The following LILRA1 variants were observed in gnomAD, a reference collection of about 807,000 sequenced individuals.
The protein encoded by LILRA1 is leukocyte immunoglobulin-like receptor subfamily A member 1.
LILRA1 carries 51 observed loss-of-function variants against 51.6 expected under a neutral mutation model. That is an observed-to-expected ratio of 0.99 (90% confidence interval 0.79 to 1.25). The LOEUF is 1.25. Ranked by LOEUF, LILRA1 falls within the 50% of genes most tolerant of loss-of-function variation. The probability of loss-of-function intolerance (pLI) is 0.00; values close to 1 mark genes in which losing one functional copy is unlikely to be tolerated. For synonymous variants in LILRA1, 305 were observed against 248.4 expected (o/e 1.23, Z -2.14); for missense variants, 660 against 611.7 (o/e 1.08, Z -0.83).
rs2063152314 is a variant in LILRA1, at chr19:54,600,915, C to A, written c.*98C>A. ...GATGATGCCAGGAGGTTCCGGGAGACAATTTAGGGCTGATGCTATCTGGAC... is the reference window on the plus strand; with the variant it reads ...GATGATGCCAGGAGGTTCCGGGAGAAAATTTAGGGCTGATGCTATCTGGAC... On this transcript the variant is annotated 3_prime_UTR_variant, in exon 10 of 10. Transcript: ENST00000251372. 4 of 1,329,158 alleles carry A rather than the reference C, an allele frequency of 3.0e-6. No individual in the cohort carries two copies. In the South Asian group the frequency reaches 3.5e-5, roughly 12 times the overall value. The allele number at this position is 1,329,158 out of a possible 1,614,324, so 82.3% of individuals were successfully genotyped here.
Position 54,594,257 on chromosome 19 carries a change from G to T in LILRA1, c.13G>T (p.Val5Phe), listed in dbSNP as rs28524012. ...GGGAGGAGACGCTATGACCCCCATC[G>T]TCACAGTCCTGATCTGTCTCAGTGA... MTPI[V>F]TVLICLRLSL... is the part of the protein sequence containing the mutation. The change falls in exon 2 of 10, where the codon GTC becomes TTC. Residue 5 changes from valine (V) to phenylalanine (F), a missense_variant. Physicochemically the swap from Val to Phe is conservative, Grantham distance 50 (BLOSUM62 -1). Transcript: ENST00000251372. 3 of 1,606,876 alleles carry T rather than the reference G, an allele frequency of 1.9e-6. No individual in the cohort carries two copies. The highest frequency in any genetic ancestry group is 2.7e-5 in the African/African-American group (2 of 74,000).
At chr19:54,596,514 C>T (rs1163358693) in intron 7 of LILRA1, 23 bp downstream of exon 7, 13 of 1,613,982 alleles carry the variant, frequency 8.1e-6, no homozygotes, top group Non-Finnish European at 9.3e-6. Flanking sequence ...ACCCTGTCCT[C>T]TCCGAGCTCA....
Position 54,601,408 on chromosome 19 carries a change from C to T in LILRA1, c.*591C>T, listed in dbSNP as rs2063159134. On this transcript the variant is annotated 3_prime_UTR_variant, in exon 10 of 10. Coordinates refer to ENST00000251372, the MANE Select transcript of LILRA1 (RefSeq NM_006863.4). ...AGCTTCTCCTTAGATCATTGTGTAA[C>T]CATCACTGCCATCCTGTTCCACACA... 6.1e-6 allele frequency: 1 copy of T among 163,928 alleles called. No individual in the cohort carries two copies. The highest frequency in any genetic ancestry group is 1.3e-5 in the Non-Finnish European group (1 of 74,854). 10.2% of individuals were successfully genotyped at this position (163,928 alleles called of 1,614,324 possible).
intron 8 of LILRA1, 98 bp downstream of exon 8, chr19:54,599,384 C>T: frequency 7.0e-7 from 1 of 1,432,576 alleles, no homozygotes. Flanking sequence ...TAAAAAATTA[C>T]ATTCATTCTA....
At chr19:54,597,724 C>A (rs988552846) in intron 7 of LILRA1, among the ~76,000 whole-genome samples, 5 of 151,878 alleles carry the variant, frequency 3.3e-5, no homozygotes, top group African/African-American at 9.7e-5. Context: ...TGAGGATGAA[C>A]CCCTCACCCA....
rs766261549 is a variant in LILRA1 at position 54,595,347 on chromosome 19, G to C, written c.606G>C (p.Ser202=). The change falls in exon 5 of 10, where the codon TCG becomes TCC. Residue 202 remains serine, a synonymous_variant. Coordinates refer to ENST00000251372, the MANE Select transcript of LILRA1 (RefSeq NM_006863.4). ...CGTACAGGTGCTATGCTTATGACTCGAACTCTCCCCATGTGTGGTCTCTAC... is the reference window on the plus strand; with the variant it reads ...CGTACAGGTGCTATGCTTATGACTCCAACTCTCCCCATGTGTGGTCTCTAC... ...RWSYRCYAYD[S]NSPHVWSLPS... The C allele has an allele frequency of 1.9e-6, 3 of 1,613,836 alleles. No homozygotes were observed. The highest frequency in any genetic ancestry group is 1.7e-5 in the Admixed American group (1 of 59,986).
In LILRA1 at chr19:54,594,238, A is replaced by T. The variant is rs116711729; in HGVS notation, c.-7A>T. On this transcript the variant is annotated 5_prime_UTR_variant, in exon 2 of 10. Coordinates refer to ENST00000251372, the MANE Select transcript of LILRA1 (RefSeq NM_006863.4). Reference sequence around the variant, plus strand: ...ATCCGCAGAGCAGGGCAGTGGGAGGAGACGCTATGACCCCCATCGTCACAG... The same window carrying T: ...ATCCGCAGAGCAGGGCAGTGGGAGGTGACGCTATGACCCCCATCGTCACAG... 2,253 of 1,612,746 alleles carry T rather than the reference A, an allele frequency of 1.4e-3. 32 individuals are homozygous for T. The African/African-American group carries it at 0.027, about 19-fold the overall frequency.
In LILRA1 at chr19:54,594,714, C is replaced by T; in HGVS notation, c.120C>T (p.Thr40=). 1 of 1,613,892 alleles carries T rather than the reference C, an allele frequency of 6.2e-7. No homozygotes were observed. The highest frequency in any genetic ancestry group is 8.5e-7 in the Non-Finnish European group (1 of 1,179,872). Residue 40 remains threonine (T), a synonymous_variant, in exon 4 of 10, where the codon ACC becomes ACT. Coordinates refer to ENST00000251372, the MANE Select transcript of LILRA1 (RefSeq NM_006863.4). ...TLWAEPGSVI[T]QGSPVTLWCQ... ...GGGCTGAGCCAGGCTCTGTGATCAC[C>T]CAGGGGAGTCCCGTGACCCTCTGGT... is the stretch of plus-strand genomic sequence containing the variant.
chr19:54,599,083 T>G (rs272410), intron 7 of LILRA1, among the ~76,000 whole-genome samples, 153 bp from the exon 8 acceptor site: 7,147 of 152,254 alleles, frequency 0.047, 411 homozygotes, highest in East Asian at 0.26. Context: ...CATGAGCCAC[T>G]GTGCCTGGCC....
rs1439997299 is a variant in LILRA1 at position 54,601,990 on chromosome 19, A to G, written c.*1173A>G. The G allele has an allele frequency of 6.6e-6, 1 of 152,210 alleles. No individual in the cohort carries two copies. Among genetic ancestry groups the G allele is most frequent in the African/African-American group, 2.4e-5 (1 of 41,448 alleles). The allele number at this position is 152,210 out of a possible 1,614,324, so 9.4% of individuals were successfully genotyped here. Reference sequence around the variant, plus strand: ...ATCAAATAGTCCTCAACTTTCTAGGACAAAGGGAGCAGCTATTTGCCATCT... The same window carrying G: ...ATCAAATAGTCCTCAACTTTCTAGGGCAAAGGGAGCAGCTATTTGCCATCT... On this transcript the variant is annotated 3_prime_UTR_variant, in exon 10 of 10. Transcript: ENST00000251372.
At position 54,595,407 on chromosome 19, in the gene LILRA1, G is replaced by C; in HGVS notation, c.661+5G>C. ...TCCTGGAGCTCCTGGTCCTAGGTGAGAAATTCACAGCATTGCCTGGAGTTC... is the reference window on the plus strand; with the variant it reads ...TCCTGGAGCTCCTGGTCCTAGGTGACAAATTCACAGCATTGCCTGGAGTTC... On this transcript the variant is annotated splice_donor_5th_base_variant and intron_variant, in intron 5 of 9. Transcript: ENST00000251372. 1 of 1,601,864 alleles carries C rather than the reference G, an allele frequency of 6.2e-7. No individual in the cohort carries two copies. The highest frequency in any genetic ancestry group is 8.5e-7 in the Non-Finnish European group (1 of 1,173,506).
At chr19:54,596,008 T>C (rs1413871094) in intron 6 of LILRA1, 73 bp downstream of exon 6, 1 of 1,352,652 alleles carries the variant, frequency 7.4e-7, no homozygotes, top group African/African-American at 1.8e-5. Context: ...CAGGTGGTGA[T>C]GGCCGGAATG....
chr19:54,595,624 A>G lies in LILRA1; in HGVS notation c.662-15A>G, dbSNP rs999349983. On this transcript the variant is annotated splice_polypyrimidine_tract_variant and intron_variant, in intron 5 of 9. Transcript: ENST00000251372. The stretch of plus-strand genomic sequence containing the variant: ...TGAGGGTCGGCTCCTGGAAACCATG[A>G]GCACCTTTTCCCAGGTGTTTCTAAG... 6.3e-7 allele frequency: 1 copy of G among 1,597,668 alleles called. No individual in the cohort carries two copies. The highest frequency in any genetic ancestry group is 8.5e-7 in the Non-Finnish European group (1 of 1,169,638).
intron 7 of LILRA1, among the ~76,000 whole-genome samples, chr19:54,597,641 G>A (rs1248019443): frequency 6.6e-6 from 1 of 152,070 alleles, no homozygotes; most frequent in Middle Eastern, 3.4e-3. Flanking sequence ...AGGAGGAACA[G>A]AGGCGGGCGA....
At chr19:54,598,226 T>C (rs1472986925) in intron 7 of LILRA1, among the ~76,000 whole-genome samples, 1 of 152,128 alleles carries the variant, frequency 6.6e-6, no homozygotes, top group Non-Finnish European at 1.5e-5. Flanking sequence ...AATATATAAA[T>C]TTATATTTTT....
rs751393757 is a variant in LILRA1, at chr19:54,596,331, C to T, written c.1101C>T (p.Leu367=). The change falls in exon 7 of 10, where the codon CTC becomes CTT. Residue 367 remains leucine, a synonymous_variant. Coordinates refer to ENST00000251372, the MANE Select transcript of LILRA1 (RefSeq NM_006863.4). ...LTKAGAADAP[L]RLRSIHEYPK... is the part of the protein sequence containing the mutation. ...AGGCGGGAGCAGCTGATGCCCCCCT[C>T]CGTCTCAGATCAATACACGAATATC... 1 of 1,606,628 alleles carries T rather than the reference C, an allele frequency of 6.2e-7. No individual in the cohort carries two copies. Among genetic ancestry groups the T allele is most frequent in the Non-Finnish European group, 8.5e-7 (1 of 1,175,216 alleles).
chr19:54,600,860 T>C lies in LILRA1; in HGVS notation c.*43T>C. ...AACAGCAGAGAGAAGAATGTACCCT[T>C]CAGAGTGGTGGAGCCTTGGGAACAG... On this transcript the variant is annotated 3_prime_UTR_variant, in exon 10 of 10. Transcript: ENST00000251372. 2 of 1,606,768 alleles carry C rather than the reference T, an allele frequency of 1.2e-6. No homozygotes were observed.
rs369400190 is a variant in LILRA1, at chr19:54,594,457, C to T, written c.51C>T (p.Pro17=). 2 of 1,614,030 alleles carry T rather than the reference C, an allele frequency of 1.2e-6. No homozygotes were observed. Among genetic ancestry groups the T allele is most frequent in the Admixed American group, 1.7e-5 (1 of 60,014 alleles). The change falls in exon 3 of 10, where the codon CCC becomes CCT. Residue 17 remains proline (P), a synonymous_variant. Transcript: ENST00000251372. Reference sequence around the variant, plus strand: ...CTCTTCCAGGGCTGAGTCTGGGCCCCCGGACCCACGTGCAGGCAGGTGAGT... The same window carrying T: ...CTCTTCCAGGGCTGAGTCTGGGCCCTCGGACCCACGTGCAGGCAGGTGAGT... ...VLICLRLSLG[P]RTHVQAGTLP...
intron 7 of LILRA1, 89 bp from the exon 8 acceptor site, chr19:54,599,147 A>C: frequency 7.4e-7 from 1 of 1,358,624 alleles, no homozygotes. Context: ...CTTGACAGGG[A>C]GGTTATATAA....
Sources: gnomAD v4.1 joint callset for allele counts (sites outside exome capture counted in the v4.1 genomes callset) on GRCh38, gnomAD v4.1.1 for gene constraint, MANE v1.5 for transcripts, NCBI Gene and HGNC (gene_info 2026-07-23, HGNC 2026-07-21) for gene names.